Variants in AK8 observed in about 807,000 individuals in gnomAD.
The protein encoded by AK8 is adenylate kinase 8.
AK8 carries 44 observed loss-of-function variants against 54.6 expected under a neutral mutation model. That is an observed-to-expected ratio of 0.81 (90% CI 0.63 to 1.04). The LOEUF is 1.04. Ranked by LOEUF, AK8 falls within the 50% of genes least tolerant of loss-of-function variation. The pLI, the probability that AK8 is intolerant of heterozygous loss-of-function variation, is 0.00. For synonymous variants in AK8, 239 were observed against 245.6 expected (o/e 0.97, Z 0.25); for missense variants, 555 against 613.6 (o/e 0.90, Z 1.01).
rs1419586896 is a variant in AK8, at chr9:132,770,977, G to A, written c.1121+21657C>T. 6.6e-6 allele frequency among the ~76,000 whole-genome samples: 1 copy of A among 152,168 alleles called. No homozygotes were observed. The highest frequency in any genetic ancestry group is 1.9e-4 in the East Asian group (1 of 5,182). ...GCACAGGAGATGGGAGGGTCTGGCT[G>A]AGCAGGGGGCCTCAGGAGGCCTCTG... is the stretch of plus-strand genomic sequence containing the variant. On this transcript the variant is annotated intron_variant, in intron 11 of 12. Coordinates refer to ENST00000298545, the MANE Select transcript of AK8 (RefSeq NM_152572.3). This position sits in a 1 kb window ranked among gnomAD's most constrained non-coding sequence, Gnocchi z 4.3.
At chr9:132,777,312 A>T (rs1245740515) in intron 11 of AK8, among the ~76,000 whole-genome samples, 2 of 152,148 alleles carry the variant, frequency 1.3e-5, no homozygotes, top group Non-Finnish European at 2.9e-5. Flanking sequence ...TCCCCGCATC[A>T]TCCCATTGAA....
intron 10 of AK8, among the ~76,000 whole-genome samples, chr9:132,795,914 C>T (rs1477238996): frequency 6.6e-6 from 1 of 152,178 alleles, no homozygotes; most frequent in Non-Finnish European, 1.5e-5. Context: ...CTAAGGCCTC[C>T]ATTGTTTAGC....
intron 10 of AK8, among the ~76,000 whole-genome samples, chr9:132,808,278 C>T (rs561373823): frequency 3.9e-5 from 6 of 152,226 alleles, no homozygotes; most frequent in African/African-American, 1.2e-4. Flanking sequence ...ACGTGCGGAG[C>T]CCTGGGGAAT....
At chr9:132,771,123 G>A (rs1838960672) in intron 11 of AK8, among the ~76,000 whole-genome samples, 1 of 152,214 alleles carries the variant, frequency 6.6e-6, no homozygotes, top group African/African-American at 2.4e-5. Context: ...CCACTGCCAT[G>A]ATGTGCTGTG....
chr9:132,828,025 G>A lies in AK8; in HGVS notation c.544C>T (p.Pro182Ser), dbSNP rs1057040252. The change falls in exon 7 of 13, where the codon CCT becomes TCT. Residue 182 changes from proline to serine, a missense_variant. By Grantham distance (74) the Pro-to-Ser change is moderately conservative (BLOSUM62 -1). Transcript: ENST00000298545. Reference protein sequence around the residue: ...IERNLGKRIDPQTGEIYHTTF... With the variant: ...IERNLGKRIDSQTGEIYHTTF... ...GCCGTAGCCATACCTCCAGTTTGAG[G>A]GTCGATTCTCTTCCCCAAGTTTCTC... The A allele has an allele frequency of 7.7e-6, 12 of 1,566,234 alleles. No individual in the cohort carries two copies. Among genetic ancestry groups the A allele is most frequent in the African/African-American group, 1.4e-5 (1 of 73,832 alleles).
chr9:132,801,660 C>T (rs1418472250), intron 10 of AK8, among the ~76,000 whole-genome samples: 1 of 152,196 alleles, frequency 6.6e-6, no homozygotes, highest in African/African-American at 2.4e-5. Context: ...CAAACAGAAC[C>T]ATGAGCCCAG....
rs1208921261 is a variant in AK8, at chr9:132,878,096, C to G, written c.84+76G>C. On this transcript the variant is annotated intron_variant, in intron 1 of 12. Coordinates refer to ENST00000298545, the MANE Select transcript of AK8 (RefSeq NM_152572.3). The surrounding 1 kb of genome is among the most constrained non-coding windows in gnomAD (Gnocchi z 4.7). ...GCGACTCGGCCCCAGCTGCGGGTCC[C>G]GGCCGCGCACCCGACGTCGCAGTGG... The G allele has an allele frequency of 5.9e-5, 91 of 1,538,016 alleles. No individual in the cohort carries two copies. The highest frequency in any genetic ancestry group is 7.2e-5 in the Non-Finnish European group (82 of 1,138,036).
intron 11 of AK8, among the ~76,000 whole-genome samples, chr9:132,742,790 C>T (rs1837455988): frequency 6.6e-6 from 1 of 152,180 alleles, no homozygotes; most frequent in African/African-American, 2.4e-5. Context: ...GCCCACACAC[C>T]AGCACTCTTC....
intron 4 of AK8, among the ~76,000 whole-genome samples, chr9:132,857,838 C>A (rs1206861814): frequency 1.3e-5 from 2 of 152,162 alleles, no homozygotes; most frequent in Admixed American, 1.3e-4. Flanking sequence ...CTCCTGAGCG[C>A]CCCCCGCTGC....
intron 11 of AK8, among the ~76,000 whole-genome samples, chr9:132,757,289 C>A (rs1469608340): frequency 1.3e-5 from 2 of 152,306 alleles, no homozygotes; most frequent in Admixed American, 6.5e-5. Flanking sequence ...TGGGCTCCCC[C>A]CGTCACCCTC....
intron 5 of AK8, among the ~76,000 whole-genome samples, chr9:132,841,576 C>T (rs1371292127): frequency 2.0e-5 from 3 of 152,196 alleles, no homozygotes; most frequent in African/African-American, 7.2e-5. Flanking sequence ...TGAAGCCTGA[C>T]CTGCCAGTCA....
At chr9:132,774,219 G>A (rs1564394492) in intron 11 of AK8, among the ~76,000 whole-genome samples, 1 of 152,092 alleles carries the variant, frequency 6.6e-6, no homozygotes, top group Non-Finnish European at 1.5e-5. Flanking sequence ...ACACTGTCTC[G>A]TGGCCAGAAT....
At chr9:132,851,790 T>G (rs901526038) in intron 5 of AK8, among the ~76,000 whole-genome samples, 4 of 152,276 alleles carry the variant, frequency 2.6e-5, no homozygotes, top group Non-Finnish European at 4.4e-5. Context: ...ATCAGTCATC[T>G]GCTAAGACAA....
intron 10 of AK8, among the ~76,000 whole-genome samples, chr9:132,805,662 C>T (rs1368238230): frequency 6.6e-6 from 1 of 152,114 alleles, no homozygotes; most frequent in Non-Finnish European, 1.5e-5. Flanking sequence ...CTCGGGGGCA[C>T]AAACCTGTTG....
rs577735065 is a variant in AK8 at position 132,848,906 on chromosome 9, C to CTTTT, written c.402+5947_402+5950dup. On this transcript the variant is annotated intron_variant, in intron 5 of 12. Coordinates refer to ENST00000298545, the MANE Select transcript of AK8 (RefSeq NM_152572.3). Reference sequence around the variant, plus strand: ...GCCTTTCTTCTAACACTCCTGTTTGCTTTTTTTTTTTTTTTTTTTTGACAC... The same window carrying CTTTT: ...GCCTTTCTTCTAACACTCCTGTTTGCTTTTTTTTTTTTTTTTTTTTTTTTGACAC... 3.0e-4 allele frequency among the ~76,000 whole-genome samples: 35 copies of CTTTT among 118,552 alleles called. 1 individual carries two copies. Among genetic ancestry groups the CTTTT allele is most frequent in the African/African-American group, 8.9e-4 (27 of 30,316 alleles). The allele number at this position is 118,552 out of a possible 152,430, so 77.8% of individuals were successfully genotyped here.
chr9:132,844,588 T>C (rs1396738160), intron 5 of AK8, among the ~76,000 whole-genome samples: 1 of 152,218 alleles, frequency 6.6e-6, no homozygotes, highest in East Asian at 1.9e-4. Context: ...AAGTCTAACC[T>C]CTTACTCTTG....
chr9:132,839,829 G>GGC lies in AK8; in HGVS notation c.403-11104_403-11103insGC, dbSNP rs1478901230. Among the ~76,000 whole-genome samples, 8 of 147,274 alleles carry GGC rather than the reference G, an allele frequency of 5.4e-5. 1 individual carries two copies. The highest frequency in any genetic ancestry group is 9.0e-5 in the Non-Finnish European group (6 of 66,814). Reference sequence around the variant, plus strand: ...AAAACATTTTTTTTGCCGGGGGGGGGGGCGCAGGGACGGAGCCTTGCTCTG... The same window carrying GGC: ...AAAACATTTTTTTTGCCGGGGGGGGGGCGGCGCAGGGACGGAGCCTTGCTCTG... On this transcript the variant is annotated intron_variant, in intron 5 of 12. Transcript: ENST00000298545.
Position 132,799,637 on chromosome 9 carries a change from C to T in AK8, c.980-6862G>A, listed in dbSNP as rs1018391078. 2.0e-5 allele frequency among the ~76,000 whole-genome samples: 3 copies of T among 151,904 alleles called. No homozygotes were observed. Among genetic ancestry groups the T allele is most frequent in the African/African-American group, 7.3e-5 (3 of 41,350 alleles). On this transcript the variant is annotated intron_variant, in intron 10 of 12. Transcript: ENST00000298545. The surrounding 1 kb of genome is among the most constrained non-coding windows in gnomAD (Gnocchi z 5.0). ...CACCACACACCCCCACACCCCTACA[C>T]CCCACCACGTGCACAACACATACTG...
At chr9:132,805,065 C>A (rs144420921) in intron 10 of AK8, among the ~76,000 whole-genome samples, 17 of 152,318 alleles carry the variant, frequency 1.1e-4, no homozygotes, top group African/African-American at 2.6e-4. Flanking sequence ...CAGACAGCTA[C>A]ACTGAGAGAC....
Sources: allele counts gnomAD v4.1 joint callset (sites outside exome capture counted in the v4.1 genomes callset), GRCh38; gene constraint gnomAD v4.1.1; non-coding constraint Gnocchi (gnomAD v3.1); transcripts MANE v1.5; gene names NCBI Gene and HGNC (gene_info 2026-07-23, HGNC 2026-07-21).